MAF: variants seen among roughly 807,000 people sequenced by gnomAD.
The protein encoded by MAF is MAF bZIP transcription factor.
A neutral mutation model predicts 22.0 loss-of-function variants in MAF; 10 were observed. The ratio of observed to expected loss-of-function variants is 0.45; its 90% CI spans 0.28 to 0.77. The LOEUF (loss-of-function observed/expected upper bound fraction) is 0.77, where lower values mean the gene tolerates loss of function less well. Among genes scored for constraint, MAF ranks in the 30% least tolerant of loss-of-function variants. The pLI is 0.12. For missense variants in MAF, 544 were observed against 548.4 expected, an observed-to-expected ratio of 0.99 and a Z score of 0.08; for synonymous variants, 337 against 255.8, an observed-to-expected ratio of 1.32 and a Z score of -3.03.
chr16:79,426,395 C>G, the MAF span, among the ~76,000 whole-genome samples: 1 of 152,064 alleles, frequency 6.6e-6, no homozygotes, highest in Admixed American at 6.6e-5. Flanking sequence ...TTTTTACTTT[C>G]TTTTTTTATT....
the MAF span, among the ~76,000 whole-genome samples, chr16:79,491,834 A>G: frequency 6.6e-6 from 1 of 152,144 alleles, no homozygotes; most frequent in Non-Finnish European, 1.5e-5. Flanking sequence ...TCTTCCTCTT[A>G]AAGAAATGGA....
At chr16:79,216,242 T>C in the MAF span, among the ~76,000 whole-genome samples, 4 of 152,230 alleles carry the variant, frequency 2.6e-5, no homozygotes, top group East Asian at 5.8e-4. Flanking sequence ...TATGTGTATA[T>C]GTACATGTAT....
chr16:79,321,072 G>T, the MAF span, among the ~76,000 whole-genome samples: 1 of 152,172 alleles, frequency 6.6e-6, no homozygotes, highest in Non-Finnish European at 1.5e-5. Flanking sequence ...CCTTATTAGG[G>T]TCATTACTGT....
chr16:79,279,037 T>C, the MAF span, among the ~76,000 whole-genome samples: 1 of 152,194 alleles, frequency 6.6e-6, no homozygotes, highest in Non-Finnish European at 1.5e-5. Flanking sequence ...TGGGGGAATA[T>C]GCTAAAGATT....
chr16:79,357,296 A>G, the MAF span, among the ~76,000 whole-genome samples: 1 of 145,026 alleles, frequency 6.9e-6, no homozygotes, highest in Non-Finnish European at 1.5e-5. Context: ...AACAACAACA[A>G]CAATTAGCTG....
the MAF span, among the ~76,000 whole-genome samples, chr16:79,260,217 C>T: frequency 2.6e-5 from 4 of 152,178 alleles, no homozygotes; most frequent in South Asian, 6.2e-4. Flanking sequence ...GTGGTGCAGT[C>T]GTGGCTTACT....
the MAF span, among the ~76,000 whole-genome samples, chr16:79,256,426 G>C: frequency 2.2e-4 from 33 of 152,142 alleles, no homozygotes; most frequent in Admixed American, 9.8e-4. Context: ...AGGTGAGTTA[G>C]CGGGTTCGTA....
At chr16:79,374,179 G>C in the MAF span, among the ~76,000 whole-genome samples, 1 of 152,180 alleles carries the variant, frequency 6.6e-6, no homozygotes, top group East Asian at 1.9e-4. Flanking sequence ...TACTTAACTT[G>C]TGCCCCTATT....
At chr16:79,362,939 G>C in the MAF span, among the ~76,000 whole-genome samples, 1 of 151,974 alleles carries the variant, frequency 6.6e-6, no homozygotes, top group African/African-American at 2.4e-5. Context: ...CCTGCATTAA[G>C]CTTCTTTTAT....
chr16:79,368,053 C>A, the MAF span, among the ~76,000 whole-genome samples: 1 of 152,178 alleles, frequency 6.6e-6, no homozygotes, highest in Admixed American at 6.5e-5. Flanking sequence ...TCCCTGAAGG[C>A]CTGCTCAGAG....
the MAF span, among the ~76,000 whole-genome samples, chr16:79,320,606 A>G: frequency 1.3e-5 from 2 of 152,180 alleles, no homozygotes; most frequent in Admixed American, 1.3e-4. Context: ...CTGGACTCTA[A>G]TCCCAGCTCC....
the MAF span, among the ~76,000 whole-genome samples, chr16:79,217,065 C>T: frequency 6.6e-6 from 1 of 152,218 alleles, no homozygotes; most frequent in African/African-American, 2.4e-5. Flanking sequence ...CTGCCTCAGC[C>T]TCCCAGAGTG....
chr16:79,533,972 C>T, the MAF span, among the ~76,000 whole-genome samples: 1 of 152,180 alleles, frequency 6.6e-6, no homozygotes, highest in South Asian at 2.1e-4. Context: ...TCATGCCCTC[C>T]TGTTCATGCT....
At chr16:79,545,753 G>A in the MAF span, among the ~76,000 whole-genome samples, 1 of 152,116 alleles carries the variant, frequency 6.6e-6, no homozygotes, top group Non-Finnish European at 1.5e-5. Flanking sequence ...AGGGGATGGG[G>A]AGTGGGGGAG....
In MAF at chr16:79,599,595, G is replaced by T. The variant is rs200484908; in HGVS notation, c.308C>A (p.Pro103His). 9.3e-5 allele frequency: 150 copies of T among 1,608,602 alleles called. No homozygotes were observed. The African/African-American group carries it at 1.7e-3, about 18-fold the overall frequency. Residue 103 changes from proline (P) to histidine (H), a missense_variant, in exon 1 of 2, where the codon CCC becomes CAC. Around this residue, in one of 5 missense-constraint regions of MAF, gnomAD observed 342 missense variants for 315.5 expected, o/e 1.08. Transcript: ENST00000326043. ...WMTGYPQQLN[P>H]EALGFSPEDA... is the part of the protein sequence containing the mutation. ...CTCGGGGCTGAAGCCCAGCGCCTCG[G>T]GGTTCAGCTGCTGCGGGTAGCCGGT...
chr16:79,481,952 A>C, the MAF span, among the ~76,000 whole-genome samples: 8 of 152,158 alleles, frequency 5.3e-5, no homozygotes, highest in African/African-American at 1.7e-4. Flanking sequence ...TTTGTCAGAC[A>C]CAAGACTGGA....
At chr16:79,452,771 A>G in the MAF span, among the ~76,000 whole-genome samples, 1 of 152,114 alleles carries the variant, frequency 6.6e-6, no homozygotes, top group African/African-American at 2.4e-5. Context: ...CCTGGTCCAT[A>G]AAACCCTCCC....
At chr16:79,579,772 T>C in the MAF span, among the ~76,000 whole-genome samples, 2 of 152,132 alleles carry the variant, frequency 1.3e-5, no homozygotes, top group African/African-American at 4.8e-5. Flanking sequence ...AAAGTGAAAA[T>C]GTCATTGTTT....
At chr16:79,323,067 G>A in the MAF span, among the ~76,000 whole-genome samples, 2 of 143,914 alleles carry the variant, frequency 1.4e-5, no homozygotes, top group Non-Finnish European at 3.0e-5. Context: ...GGAGAATGGT[G>A]TGAACCTGGG....
Sources: gnomAD v4.1 joint callset for allele counts (sites outside exome capture counted in the v4.1 genomes callset) on GRCh38, gnomAD v4.1.1 for gene constraint, gnomAD v4.1.1 regional missense constraint, MANE v1.5 for transcripts, NCBI Gene and HGNC (gene_info 2026-07-23, HGNC 2026-07-21) for gene names.